The following SPG11 variants were observed in gnomAD, a reference collection of about 807,000 sequenced individuals.
The protein encoded by SPG11 is spatacsin.
A neutral mutation model predicts 274.0 loss-of-function variants in SPG11; 222 were observed. That is an observed-to-expected ratio of 0.81 (90% CI 0.73 to 0.91). The LOEUF (loss-of-function observed/expected upper bound fraction) is 0.91, where lower values mean the gene tolerates loss of function less well. Among genes scored for constraint, SPG11 ranks in the 40% least tolerant of loss-of-function variants. The pLI is 0.00. For missense variants in SPG11, 3,114 were observed against 2,872.7 expected, an observed-to-expected ratio of 1.08 and a Z score of -1.92; for synonymous variants, 1,144 against 1,039.7, an observed-to-expected ratio of 1.10 and a Z score of -1.93.
chr15:44,636,943 A>AC (rs1567180520), intron 7 of SPG11, among the ~76,000 whole-genome samples: 27 of 116,096 alleles, frequency 2.3e-4, no homozygotes, highest in African/African-American at 5.0e-4. Flanking sequence ...AAAAAAAAAA[A>AC]AAAAAAAAAA....
chr15:44,605,988 C>G (rs374690117), intron 20 of SPG11, 37 bp downstream of exon 20: 1 of 1,564,512 alleles, frequency 6.4e-7, no homozygotes, highest in Non-Finnish European at 8.8e-7. Context: ...GTTAACACTG[C>G]TAAAACATGT....
At chr15:44,600,307 G>T in intron 21 of SPG11, 160 bp downstream of exon 21, 4 of 704,258 alleles carry the variant, frequency 5.7e-6, no homozygotes, top group Non-Finnish European at 9.8e-6. Context: ...TTGTTTTAGT[G>T]GCAGAGCCTC....
intron 7 of SPG11, among the ~76,000 whole-genome samples, chr15:44,637,635 G>A (rs2084317229): frequency 6.6e-6 from 1 of 152,128 alleles, no homozygotes; most frequent in Non-Finnish European, 1.5e-5. Flanking sequence ...CAATTTTCAA[G>A]CACATGGAAC....
Position 44,610,854 on chromosome 15 carries a change from CAGG to C in SPG11, c.3274_3276del (p.Pro1092del). 1 of 1,613,924 alleles carries C rather than the reference CAGG, an allele frequency of 6.2e-7. No homozygotes were observed. Among genetic ancestry groups the C allele is most frequent in the South Asian group, 1.1e-5 (1 of 91,072 alleles). On this transcript the variant is annotated inframe_deletion, in exon 18 of 40. Transcript: ENST00000261866. ...GCTATCCATACCTGACTGACACCCC[CAGG>C]AGAATACATTGTAGTAGCAAGGGCC...
chr15:44,605,955 C>T, intron 20 of SPG11, 70 bp downstream of exon 20: 1 of 1,254,490 alleles, frequency 8.0e-7, no homozygotes, highest in Admixed American at 1.7e-5. Context: ...ACTAGATTGG[C>T]ATTACATGTA....
chr15:44,595,124 G>A, intron 26 of SPG11, 135 bp downstream of exon 26: 1 of 892,686 alleles, frequency 1.1e-6, no homozygotes, highest in Middle Eastern at 3.3e-4. Context: ...GCCAGTAAGT[G>A]GTACTTCTAA....
At position 44,659,308 on chromosome 15, in the gene SPG11, A is replaced by G. The variant is rs368508374; in HGVS notation, c.443-5T>C. 2 of 1,605,434 alleles carry G rather than the reference A, an allele frequency of 1.2e-6. No homozygotes were observed. Among genetic ancestry groups the G allele is most frequent in the Non-Finnish European group, 1.7e-6 (2 of 1,172,242 alleles). On this transcript the variant is annotated splice_polypyrimidine_tract_variant and splice_region_variant and intron_variant, in intron 2 of 39. Transcript: ENST00000261866. ...TCAAAGACAATAAGGAAATACCTAC[A>G]AAACAAAAGGATATTATTTCAAACT...
In SPG11 at chr15:44,636,018, C is replaced by A. The variant is rs372597908; in HGVS notation, c.1603-2381G>T. On this transcript the variant is annotated intron_variant, in intron 7 of 39. Coordinates refer to ENST00000261866, the MANE Select transcript of SPG11 (RefSeq NM_025137.4). The stretch of plus-strand genomic sequence containing the variant: ...TCAAGCTGTGGACTGCAAAACCCTG[C>A]CCCTAGACCTTCTAATTCAATAGAT... 2.2e-4 allele frequency among the ~76,000 whole-genome samples: 33 copies of A among 152,156 alleles called. No individual in the cohort carries two copies. In the East Asian group the frequency reaches 4.2e-3, roughly 20 times the overall value.
chr15:44,568,538 C>T (rs1241875123), intron 35 of SPG11, among the ~76,000 whole-genome samples: 1 of 152,186 alleles, frequency 6.6e-6, no homozygotes, highest in Non-Finnish European at 1.5e-5. Flanking sequence ...GGAGTATGCT[C>T]GGTGTCACAG....
chr15:44,634,221 C>A (rs762962611), intron 7 of SPG11, among the ~76,000 whole-genome samples: 1 of 152,092 alleles, frequency 6.6e-6, no homozygotes, highest in Admixed American at 6.6e-5. Context: ...TACAACAATT[C>A]AAAGCTAAAT....
intron 39 of SPG11, among the ~76,000 whole-genome samples, chr15:44,563,682 C>T (rs185250648): frequency 6.6e-6 from 1 of 152,010 alleles, no homozygotes. Flanking sequence ...CACTGTGTTG[C>T]CCAGGCTGGA....
intron 20 of SPG11, among the ~76,000 whole-genome samples, chr15:44,602,501 T>G (rs1163264425): frequency 1.3e-5 from 2 of 151,454 alleles, no homozygotes; most frequent in Non-Finnish European, 2.9e-5. Flanking sequence ...TTTTTTGAGA[T>G]GGAGTCTTGC....
rs1567149668 is a variant in SPG11 at position 44,596,948 on chromosome 15, A to T, written c.4002-5T>A. 6.2e-7 allele frequency: 1 copy of T among 1,613,906 alleles called. No homozygotes were observed. Among genetic ancestry groups the T allele is most frequent in the Admixed American group, 1.7e-5 (1 of 60,008 alleles). On this transcript the variant is annotated splice_region_variant and splice_polypyrimidine_tract_variant and intron_variant, in intron 23 of 39. Transcript: ENST00000261866. ...CTGCTAGATTCACTGGATAACCTAT[A>T]ATCAGAATTAGAGGTGGGGGTGGTC...
intron 6 of SPG11, 121 bp from the exon 7 acceptor site, chr15:44,649,132 C>A: frequency 1.3e-6 from 1 of 777,856 alleles, no homozygotes; most frequent in South Asian, 1.6e-5. Flanking sequence ...TTTATATTTA[C>A]TGGATATCAT....
At chr15:44,572,500 C>T in intron 33 of SPG11, 183 bp downstream of exon 33, 1 of 623,128 alleles carries the variant, frequency 1.6e-6, no homozygotes, top group East Asian at 2.8e-5. Context: ...TGGGGGTACT[C>T]ATCCATAATT....
At chr15:44,657,347 A>G (rs1376007845) in intron 3 of SPG11, 51 bp from the exon 4 acceptor site, 1 of 1,542,346 alleles carries the variant, frequency 6.5e-7, no homozygotes, top group Non-Finnish European at 9.0e-7. Context: ...ATGCCTAACT[A>G]TTTAAAGCAC....
At chr15:44,601,300 G>A (rs375536650) in intron 20 of SPG11, among the ~76,000 whole-genome samples, 1 of 151,106 alleles carries the variant, frequency 6.6e-6, no homozygotes, top group East Asian at 1.9e-4. Context: ...TGGCTCTGTC[G>A]CCCAGACTGG....
intron 4 of SPG11, among the ~76,000 whole-genome samples, chr15:44,654,173 T>C (rs2084867964): frequency 6.6e-6 from 1 of 152,210 alleles, no homozygotes. Context: ...CATGAATGCA[T>C]AAAAGTTACA....
chr15:44,571,577 G>T (rs1460495213), intron 33 of SPG11, among the ~76,000 whole-genome samples: 1 of 146,870 alleles, frequency 6.8e-6, no homozygotes, highest in East Asian at 2.0e-4. Context: ...CACTCACTGC[G>T]AGCTCCACCT....
Sources: gnomAD v4.1 joint callset for allele counts (sites outside exome capture counted in the v4.1 genomes callset) on GRCh38, gnomAD v4.1.1 for gene constraint, MANE v1.5 for transcripts, NCBI Gene and HGNC (gene_info 2026-07-23, HGNC 2026-07-21) for gene names.